The following DOK1 variants were observed in gnomAD, a reference collection of about 807,000 sequenced individuals.
DOK1 encodes Downstream of tyrosine kinase 1.
In DOK1, 12 loss-of-function variants were observed where a neutral mutation model predicts 24.0. The observed-to-expected ratio is 0.50, with a 90% CI of 0.32 to 0.81. The LOEUF (loss-of-function observed/expected upper bound fraction) is 0.81, where lower values mean the gene tolerates loss of function less well. Ranked by LOEUF, DOK1 falls within the 30% of genes least tolerant of loss-of-function variation. DOK1 has a pLI of 0.03. For synonymous variants in DOK1, 250 were observed against 260.9 expected (o/e 0.96, Z 0.40); for missense variants, 591 against 620.7 (o/e 0.95, Z 0.51).
Position 74,554,925 on chromosome 2 carries a change from G to T in DOK1, c.60+111G>T. 6.5e-7 allele frequency: 1 copy of T among 1,536,744 alleles called. No individual in the cohort carries two copies. Among genetic ancestry groups the T allele is most frequent in the Non-Finnish European group, 8.8e-7 (1 of 1,130,834 alleles). On this transcript the variant is annotated intron_variant, in intron 1 of 4. Coordinates refer to ENST00000233668, the MANE Select transcript of DOK1 (RefSeq NM_001381.5). This position sits in a 1 kb window ranked among gnomAD's most constrained non-coding sequence, Gnocchi z 4.9. The stretch of plus-strand genomic sequence containing the variant: ...GGAGAGCGGCGCCGGGAGTTGGAGA[G>T]CCTGTGACTTTCCCGTGAAGTTGCT...
In DOK1 at chr2:74,555,331, AC is replaced by A. The variant is rs750803751; in HGVS notation, c.245del (p.Pro82LeufsTer76). The A allele has an allele frequency of 1.2e-5, 20 of 1,612,248 alleles. No individual in the cohort carries two copies. Among genetic ancestry groups the A allele is most frequent in the Non-Finnish European group, 1.7e-5 (20 of 1,179,524 alleles). On this transcript the variant is annotated frameshift_variant, in exon 2 of 5. Transcript: ENST00000233668. LOFTEE classifies it high-confidence loss of function. This position sits in a 1 kb window ranked among gnomAD's most constrained non-coding sequence, Gnocchi z 6.1. ...CVSVAPVTVE[T>X]PPEPGATAFR... Reference sequence around the variant, plus strand: ...GAGTGTGGCCCCCGTCACCGTGGAGACCCCCCCTGAGCCCGGCGCCACTGCC... The same window carrying A: ...GAGTGTGGCCCCCGTCACCGTGGAGACCCCCCTGAGCCCGGCGCCACTGCC...
chr2:74,549,296 A>T lies in DOK1; in HGVS notation c.-358+124A>T. ...CCTCCCGTGCCCCGGACCTGCTCAG[A>T]TGTCTCCCAAGGCTATTCATCAGGG... On this transcript the variant is annotated intron_variant, in intron 1 of 4. Transcript: ENST00000409429. The surrounding 1 kb of genome is among the most constrained non-coding windows in gnomAD (Gnocchi z 5.3). 1 of 1,460,848 alleles carries T rather than the reference A, an allele frequency of 6.8e-7. No homozygotes were observed. Among genetic ancestry groups the T allele is most frequent in the Non-Finnish European group, 9.1e-7 (1 of 1,100,190 alleles). The allele number at this position is 1,460,848 out of a possible 1,614,324, so 90.5% of individuals were successfully genotyped here.
At position 74,556,413 on chromosome 2, in the gene DOK1, A is replaced by G. The variant is rs777812093; in HGVS notation, c.745A>G (p.Ile249Val). 16 of 1,614,004 alleles carry G rather than the reference A, an allele frequency of 9.9e-6. No homozygotes were observed. Among genetic ancestry groups the G allele is most frequent in the South Asian group, 3.3e-5 (3 of 91,092 alleles). ...NDIFQAVETA[I>V]HRQKAQGKAG... ...CATCTTCCAGGCAGTTGAGACTGCCATCCACCGGCAGAAGGCCCAGGGAAA... is the reference window on the plus strand; with the variant it reads ...CATCTTCCAGGCAGTTGAGACTGCCGTCCACCGGCAGAAGGCCCAGGGAAA... The change falls in exon 5 of 5, where the codon ATC (isoleucine) becomes GTC (valine). Residue 249 changes from isoleucine (I) to valine (V), a missense_variant. Ile to Val is a conservative substitution (Grantham distance 29). Coordinates refer to ENST00000233668, the MANE Select transcript of DOK1 (RefSeq NM_001381.5). This position sits in a 1 kb window ranked among gnomAD's most constrained non-coding sequence, Gnocchi z 4.1.
upstream of DOK1, among the ~76,000 whole-genome samples, chr2:74,553,407 A>C (rs1677155256): frequency 6.6e-6 from 1 of 152,184 alleles, no homozygotes. Flanking sequence ...GCCAGGCCTC[A>C]AGGCTGGGCG....
Position 74,549,646 on chromosome 2 carries a change from C to G in DOK1, c.-358+474C>G. On this transcript the variant is annotated intron_variant, in intron 1 of 4. Coordinates refer to the DOK1 transcript ENST00000409429. The surrounding 1 kb of genome is among the most constrained non-coding windows in gnomAD (Gnocchi z 5.3). ...GGCACCTTTCATGTGTCCCGCCGCC[C>G]TTAAGGAACCCTGCTTGGTGTGCCT... 1 of 1,527,012 alleles carries G rather than the reference C, an allele frequency of 6.5e-7. No individual in the cohort carries two copies. 94.6% of individuals were successfully genotyped at this position (1,527,012 alleles called of 1,614,324 possible).
chr2:74,555,977 G>T lies in DOK1; in HGVS notation c.538G>T (p.Ala180Ser). The T allele has an allele frequency of 6.2e-7, 1 of 1,613,952 alleles. No individual in the cohort carries two copies. Among genetic ancestry groups the T allele is most frequent in the South Asian group, 1.1e-5 (1 of 91,064 alleles). The change falls in exon 4 of 5, where the codon GCT (alanine) becomes TCT (serine). Residue 180 changes from alanine to serine, a missense_variant. Coordinates refer to ENST00000233668, the MANE Select transcript of DOK1 (RefSeq NM_001381.5). The surrounding 1 kb of genome is among the most constrained non-coding windows in gnomAD (Gnocchi z 6.1). ...TGGCTCCTACGTGCTGAGGGTGGAG[G>T]CTGAAAGGCTGACTCTCCTGACCGT... is the stretch of plus-strand genomic sequence containing the variant. ...LHGSYVLRVEAERLTLLTVGA... is the reference protein window; with the variant it reads ...LHGSYVLRVESERLTLLTVGA...
upstream of DOK1, among the ~76,000 whole-genome samples, chr2:74,550,934 GT>G (rs1030182702): frequency 0.012 from 1,638 of 135,310 alleles, 20 homozygotes; most frequent in African/African-American, 0.035. Context: ...TCTGAAACCT[GT>G]TTTTTTTTTT....
At chr2:74,549,823 C>A (rs1194616749), upstream of DOK1, 1 of 985,278 alleles carries the variant, frequency 1.0e-6, no homozygotes, top group Non-Finnish European at 1.2e-6. The surrounding 1 kb of genome is among the most constrained non-coding windows in gnomAD (Gnocchi z 5.3). Context: ...AGGAGGCCCT[C>A]CCTGTGCCTG....
chr2:74,550,292 A>T, upstream of DOK1: 2 of 1,614,102 alleles, frequency 1.2e-6, no homozygotes, highest in Non-Finnish European at 1.7e-6. Context: ...CGGGAGGCAC[A>T]TTCAGTCACA....
chr2:74,554,752 G>T lies in DOK1; in HGVS notation c.-3G>T, dbSNP rs1232998825. On this transcript the variant is annotated 5_prime_UTR_variant, in exon 1 of 5. Coordinates refer to ENST00000233668, the MANE Select transcript of DOK1 (RefSeq NM_001381.5). The surrounding 1 kb of genome is among the most constrained non-coding windows in gnomAD (Gnocchi z 4.9). ...GGAAGCGCGGAAGGAACCGCCGGGG[G>T]CCATGGACGGAGCAGTGATGGAAGG... 2 of 1,613,496 alleles carry T rather than the reference G, an allele frequency of 1.2e-6. No individual in the cohort carries two copies. Among genetic ancestry groups the T allele is most frequent in the Non-Finnish European group, 1.7e-6 (2 of 1,179,970 alleles).
upstream of DOK1, among the ~76,000 whole-genome samples, chr2:74,551,939 G>A (rs1339871980): frequency 2.0e-5 from 3 of 152,262 alleles, no homozygotes; most frequent in African/African-American, 7.2e-5. Context: ...GACCCCTTGT[G>A]ACTTTGGGAC....
rs570246122 is a variant in DOK1 at position 74,556,809 on chromosome 2, C to T, written c.1141C>T (p.Arg381Trp). Residue 381 changes from arginine (R) to tryptophan (W), a missense_variant, in exon 5 of 5, where the codon CGG (arginine) becomes TGG (tryptophan). Physicochemically the swap from Arg to Trp is moderately radical, Grantham distance 101. Coordinates refer to ENST00000233668, the MANE Select transcript of DOK1 (RefSeq NM_001381.5). This position sits in a 1 kb window ranked among gnomAD's most constrained non-coding sequence, Gnocchi z 4.1. ...TCCCCAGGGCCTTTATGATCTGCCT[C>T]GGGAGCCCAAGGATGCATGGTGGTG... is the stretch of plus-strand genomic sequence containing the variant. ...VPPQGLYDLP[R>W]EPKDAWWCQA... 45 of 1,614,146 alleles carry T rather than the reference C, an allele frequency of 2.8e-5. 1 individual carries two copies. Among genetic ancestry groups the T allele is most frequent in the Admixed American group, 1.5e-4 (9 of 60,024 alleles).
chr2:74,552,561 C>G, upstream of DOK1: 1 of 1,611,110 alleles, frequency 6.2e-7, no homozygotes, highest in African/African-American at 1.3e-5. Context: ...GGACGGAGAC[C>G]CCAAGCACGA....
upstream of DOK1, chr2:74,552,533 C>G: frequency 6.2e-7 from 1 of 1,613,104 alleles, no homozygotes; most frequent in Non-Finnish European, 8.5e-7. Flanking sequence ...CGGCCTTCTT[C>G]TCAGGGCCCG....
Position 74,556,391 on chromosome 2 carries a change from C to T in DOK1, c.723C>T (p.Ile241=), listed in dbSNP as rs1362501394. 6.2e-7 allele frequency: 1 copy of T among 1,613,996 alleles called. No individual in the cohort carries two copies. The highest frequency in any genetic ancestry group is 8.5e-7 in the Non-Finnish European group (1 of 1,180,036). The change falls in exon 5 of 5, where the codon ATC becomes ATT. Residue 241 remains isoleucine, a synonymous_variant. Transcript: ENST00000233668. The surrounding 1 kb of genome is among the most constrained non-coding windows in gnomAD (Gnocchi z 4.1). ...FTFQTAQGND[I]FQAVETAIHR... is the part of the protein sequence containing the mutation. ...TCCAGACGGCACAGGGAAATGACAT[C>T]TTCCAGGCAGTTGAGACTGCCATCC...
chr2:74,555,976 G>C lies in DOK1; in HGVS notation c.537G>C (p.Glu179Asp), dbSNP rs763806455. ...ATGGCTCCTACGTGCTGAGGGTGGA[G>C]GCTGAAAGGCTGACTCTCCTGACCG... Reference protein sequence around the residue: ...GLHGSYVLRVEAERLTLLTVG... With the variant: ...GLHGSYVLRVDAERLTLLTVG... Residue 179 changes from glutamate to aspartate, a missense_variant, in exon 4 of 5, where the codon GAG becomes GAC. Glu to Asp is a conservative substitution (Grantham distance 45). Coordinates refer to ENST00000233668, the MANE Select transcript of DOK1 (RefSeq NM_001381.5). This position sits in a 1 kb window ranked among gnomAD's most constrained non-coding sequence, Gnocchi z 6.1. The C allele has an allele frequency of 6.2e-7, 1 of 1,613,974 alleles. No homozygotes were observed. The highest frequency in any genetic ancestry group is 1.1e-5 in the South Asian group (1 of 91,072).
rs1347471965 is a variant in DOK1, at chr2:74,556,434, G to A, written c.766G>A (p.Gly256Arg). Residue 256 changes from glycine to arginine, a missense_variant, in exon 5 of 5, where the codon GGA (glycine) becomes AGA (arginine). Physicochemically the swap from Gly to Arg is moderately radical, Grantham distance 125. Transcript: ENST00000233668. The surrounding 1 kb of genome is among the most constrained non-coding windows in gnomAD (Gnocchi z 4.1). ...TGCCATCCACCGGCAGAAGGCCCAGGGAAAGGCCGGACAGGGGCACGATGT... is the reference window on the plus strand; with the variant it reads ...TGCCATCCACCGGCAGAAGGCCCAGAGAAAGGCCGGACAGGGGCACGATGT... ...ETAIHRQKAQ[G>R]KAGQGHDVLR... is the part of the protein sequence containing the mutation. 3.1e-6 allele frequency: 5 copies of A among 1,614,046 alleles called. No individual in the cohort carries two copies. In the African/African-American group the frequency reaches 4.0e-5, roughly 13 times the overall value.
rs1338145917 is a variant in DOK1, at chr2:74,549,225, C to T, written c.-358+53C>T. ...CCCACAAGATTTCCCAACTCTCCAG[C>T]TTTGCAACGGCCTCCATATTTTCCC... On this transcript the variant is annotated intron_variant, in intron 1 of 4. Coordinates refer to the DOK1 transcript ENST00000409429. The surrounding 1 kb of genome is among the most constrained non-coding windows in gnomAD (Gnocchi z 5.3). The T allele has an allele frequency of 2.2e-6, 2 of 919,382 alleles. No individual in the cohort carries two copies. The highest frequency in any genetic ancestry group is 1.6e-6 in the Non-Finnish European group (1 of 640,636). The allele number at this position is 919,382 out of a possible 1,614,324, so 57.0% of individuals were successfully genotyped here.
In DOK1 at chr2:74,549,130, GTCGGCCACGAGAGAGCGGGAGCC is replaced by G; in HGVS notation, c.-396_-374del. 1 of 387,028 alleles carries G rather than the reference GTCGGCCACGAGAGAGCGGGAGCC, an allele frequency of 2.6e-6. No individual in the cohort carries two copies. 24.0% of individuals were successfully genotyped at this position (387,028 alleles called of 1,614,324 possible). ...GAGGAATCCGCCTGCCCGCCCAGGC[GTCGGCCACGAGAGAGCGGGAGCC>G]TCGCTGGTCCCCATTTCAGGTACTC... On this transcript the variant is annotated 5_prime_UTR_variant, in exon 1 of 5. Coordinates refer to the DOK1 transcript ENST00000409429. The surrounding 1 kb of genome is among the most constrained non-coding windows in gnomAD (Gnocchi z 5.3).
Sources: gnomAD v4.1 joint callset for allele counts (sites outside exome capture counted in the v4.1 genomes callset) on GRCh38, gnomAD v4.1.1 for gene constraint, Gnocchi (gnomAD v3.1) non-coding constraint, MANE v1.5 for transcripts, NCBI Gene and HGNC (gene_info 2026-07-23, HGNC 2026-07-21) for gene names.